Variants in NFATC2 observed in about 807,000 individuals in gnomAD.
NFATC2 encodes nuclear factor of activated T-cells, cytoplasmic 2.
Under a neutral mutation model 87.3 loss-of-function variants are expected in NFATC2, and 22 were observed. The observed-to-expected ratio is 0.25, with a 90% CI of 0.18 to 0.36. The LOEUF (loss-of-function observed/expected upper bound fraction) is 0.36, where lower values mean the gene tolerates loss of function less well. NFATC2 is among the 10% of genes least tolerant of loss of function. NFATC2 has a pLI of 1.00. For synonymous variants in NFATC2, 565 were observed against 542.2 expected, an observed-to-expected ratio of 1.04 and a Z score of -0.58; for missense variants, 1,149 against 1,259.1, an observed-to-expected ratio of 0.91 and a Z score of 1.32.
chr20:51,442,762 T>G (rs113727873), intron 6 of NFATC2, among the ~76,000 whole-genome samples: 2 of 151,784 alleles, frequency 1.3e-5, no homozygotes, highest in African/African-American at 4.8e-5. Context: ...TTGACTTTCC[T>G]GTCTCTTGGG....
intron 1 of NFATC2, among the ~76,000 whole-genome samples, chr20:51,532,500 C>T (rs1357044500): frequency 6.6e-6 from 1 of 152,162 alleles, no homozygotes; most frequent in Non-Finnish European, 1.5e-5. Flanking sequence ...AGATTCCTTT[C>T]TTCGGGAATG....
chr20:51,387,151 A>C lies in NFATC2; in HGVS notation c.*4345T>G, dbSNP rs1985850698. ...CTGCCAGCACCACCATGTTGGAGAG[A>C]CCTGTTTGTTGGAGAATTGGTTTTC... On this transcript the variant is annotated 3_prime_UTR_variant, in exon 11 of 11. Coordinates refer to ENST00000371564, the MANE Select transcript of NFATC2 (RefSeq NM_012340.5). 1 of 152,130 alleles carries C rather than the reference A, an allele frequency of 6.6e-6. No individual in the cohort carries two copies. Among genetic ancestry groups the C allele is most frequent in the Non-Finnish European group, 1.5e-5 (1 of 68,028 alleles). The allele number at this position is 152,130 out of a possible 1,614,324, so 9.4% of individuals were successfully genotyped here.
intron 1 of NFATC2, among the ~76,000 whole-genome samples, chr20:51,527,519 C>T (rs953089776): frequency 1.3e-5 from 2 of 152,176 alleles, no homozygotes; most frequent in Admixed American, 1.3e-4. Flanking sequence ...GATCCACCCC[C>T]ACCAATCAGC....
upstream of NFATC2, among the ~76,000 whole-genome samples, chr20:51,545,947 G>A (rs2076886299): frequency 1.3e-5 from 2 of 152,176 alleles, no homozygotes; most frequent in African/African-American, 4.8e-5. Context: ...TGTAGAGTTT[G>A]ACTCTCCTTA....
rs918664749 is a variant in NFATC2, at chr20:51,391,087, A to G, written c.*409T>C. ...AAGCTCCAGTCACTCTGTTCTCAGG[A>G]GAGTTCCAGTGTCCTGTCTCATGTA... On this transcript the variant is annotated 3_prime_UTR_variant, in exon 11 of 11. Transcript: ENST00000371564. 2.8e-5 allele frequency: 14 copies of G among 497,986 alleles called. No homozygotes were observed. Among genetic ancestry groups the G allele is most frequent in the Non-Finnish European group, 1.5e-5 (4 of 264,904 alleles). The allele number at this position is 497,986 out of a possible 1,614,324, so 30.8% of individuals were successfully genotyped here.
rs560717020 is a variant in NFATC2 at position 51,485,730 on chromosome 20, G to A, written c.1333-10070C>T. On this transcript the variant is annotated intron_variant, in intron 3 of 10. Transcript: ENST00000371564. ...TCTCCAGGCCTCAGTTTCATCATCT[G>A]TAAATGTGGCTCCTGACCCTGCACA... Among the ~76,000 whole-genome samples the A allele has an allele frequency of 5.3e-4, 80 of 152,272 alleles. 3 individuals carry two copies. The South Asian group carries it at 0.016, about 31-fold the overall frequency.
upstream of NFATC2, chr20:51,562,706 T>A: frequency 7.1e-7 from 1 of 1,410,758 alleles, no homozygotes; most frequent in Non-Finnish European, 9.7e-7. This position sits in a 1 kb window ranked among gnomAD's most constrained non-coding sequence, Gnocchi z 5.8. Flanking sequence ...GGGGACGCCG[T>A]CTTCTCTACC....
At chr20:51,440,774 T>G (rs1984217290) in intron 6 of NFATC2, among the ~76,000 whole-genome samples, 1 of 152,128 alleles carries the variant, frequency 6.6e-6, no homozygotes, top group South Asian at 2.1e-4. Context: ...TCCGTTGTCT[T>G]TCTTGATTTT....
At chr20:51,400,145 C>CCTCCACTGCCACCCCGGCCCTACAGCA (rs1568928806) in intron 9 of NFATC2, among the ~76,000 whole-genome samples, 2 of 152,150 alleles carry the variant, frequency 1.3e-5, no homozygotes, top group Non-Finnish European at 2.9e-5. Flanking sequence ...AAACCAACAA[C>CCTCCACTGCCACCCCGGCCCTACAGCA]CTCCACTGCC....
At chr20:51,475,734 G>A in intron 3 of NFATC2, 74 bp from the exon 4 acceptor site, 1 of 1,422,386 alleles carries the variant, frequency 7.0e-7, no homozygotes, top group Non-Finnish European at 9.7e-7. Flanking sequence ...AAAAAGACCA[G>A]AGAGCTCATG....
chr20:51,389,690 G>C lies in NFATC2; in HGVS notation c.*1806C>G, dbSNP rs1441047281. ...ATCGACCGACAGGTTGCATACAAGT[G>C]CACAGGCCCGAATCTGAGCATTTTG... On this transcript the variant is annotated 3_prime_UTR_variant, in exon 11 of 11. Transcript: ENST00000371564. 1.3e-5 allele frequency: 2 copies of C among 152,144 alleles called. No homozygotes were observed. Among genetic ancestry groups the C allele is most frequent in the Non-Finnish European group, 2.9e-5 (2 of 68,042 alleles). 9.4% of individuals were successfully genotyped at this position (152,144 alleles called of 1,614,324 possible).
At chr20:51,419,048 G>A (rs946852618) in intron 9 of NFATC2, among the ~76,000 whole-genome samples, 31 of 151,700 alleles carry the variant, frequency 2.0e-4, no homozygotes, top group African/African-American at 7.3e-4. Context: ...TAAGAAGTAC[G>A]CTCCCTGAAG....
At chr20:51,539,515 G>A (rs1413886717) in intron 1 of NFATC2, among the ~76,000 whole-genome samples, 9 of 152,102 alleles carry the variant, frequency 5.9e-5, no homozygotes, top group Non-Finnish European at 7.4e-5. Context: ...ACAGGGTTTC[G>A]CACTGTCCCA....
At chr20:51,494,935 G>C (rs2075963199) in intron 3 of NFATC2, among the ~76,000 whole-genome samples, 1 of 152,090 alleles carries the variant, frequency 6.6e-6, no homozygotes, top group Non-Finnish European at 1.5e-5. Context: ...CCTCCTGCTA[G>C]TCATCCACAC....
Position 51,432,928 on chromosome 20 carries a change from C to T in NFATC2, c.2033-172G>A, listed in dbSNP as rs1314447272. Among the ~76,000 whole-genome samples the T allele has an allele frequency of 3.3e-5, 5 of 152,102 alleles. No individual in the cohort carries two copies. Among genetic ancestry groups the T allele is most frequent in the Non-Finnish European group, 7.4e-5 (5 of 68,024 alleles). On this transcript the variant is annotated intron_variant, in intron 8 of 10. Transcript: ENST00000371564. This position sits in a 1 kb window ranked among gnomAD's most constrained non-coding sequence, Gnocchi z 4.6. ...GGCAAAAGGCTCCCCATGCAATTGT[C>T]TTAGGTAGGAAATTTTACCCTGGCC... is the stretch of plus-strand genomic sequence containing the variant.
intron 9 of NFATC2, among the ~76,000 whole-genome samples, chr20:51,424,906 G>T (rs529320094): frequency 3.4e-4 from 51 of 151,872 alleles, no homozygotes; most frequent in African/African-American, 1.2e-3. Context: ...TGCTTCCACG[G>T]GGGTAAAAAT....
chr20:51,466,422 C>T (rs1160058524), intron 5 of NFATC2, among the ~76,000 whole-genome samples: 1 of 152,048 alleles, frequency 6.6e-6, no homozygotes, highest in South Asian at 2.1e-4. Flanking sequence ...GCCAGCTAGA[C>T]CCAGGAGAGT....
Position 51,480,056 on chromosome 20 carries a change from G to C in NFATC2, c.1333-4396C>G, listed in dbSNP as rs144816551. Among the ~76,000 whole-genome samples the C allele has an allele frequency of 0.011, 1,625 of 152,304 alleles. 40 individuals carry two copies. Among genetic ancestry groups the C allele is most frequent in the African/African-American group, 0.037 (1,517 of 41,552 alleles). On this transcript the variant is annotated intron_variant, in intron 3 of 10. Transcript: ENST00000371564. The surrounding 1 kb of genome is among the most constrained non-coding windows in gnomAD (Gnocchi z 4.2). ...TAATCCCAGCACTTTGGGAGGCTGA[G>C]GTGGGCAGATCACTTGACGTCAGGA...
rs138225888 is a variant in NFATC2, at chr20:51,432,388, A to T, written c.2401T>A (p.Ser801Thr). The T allele has an allele frequency of 1.1e-5, 18 of 1,609,564 alleles. No homozygotes were observed. Among genetic ancestry groups the T allele is most frequent in the Non-Finnish European group, 1.5e-5 (18 of 1,177,734 alleles). ...QGQSSALLHP[S>T]PTNQQASPVI... ...GGCGAGGCCTGCTGGTTGGTCGGAG[A>T]GGGGTGGAGCAGGGCTGAGCTCTGG... The change falls in exon 9 of 11, where the codon TCT becomes ACT. Residue 801 changes from serine to threonine, a missense_variant. Around this residue, in one of 3 missense-constraint regions of NFATC2, gnomAD observed 581 missense variants for 649.7 expected, o/e 0.89. Transcript: ENST00000371564. The surrounding 1 kb of genome is among the most constrained non-coding windows in gnomAD (Gnocchi z 4.6).
Sources: allele counts gnomAD v4.1 joint callset (sites outside exome capture counted in the v4.1 genomes callset), GRCh38; gene constraint gnomAD v4.1.1; regional missense constraint gnomAD v4.1.1; non-coding constraint Gnocchi (gnomAD v3.1); transcripts MANE v1.5; gene names NCBI Gene and HGNC (gene_info 2026-07-23, HGNC 2026-07-21).